Variants in BEGAIN observed in about 807,000 individuals in gnomAD.
The protein encoded by BEGAIN is brain-enriched guanylate kinase-associated protein.
Under a neutral mutation model 35.8 loss-of-function variants are expected in BEGAIN, and 19 were observed. That is an observed-to-expected ratio of 0.53 (90% CI 0.37 to 0.78). The LOEUF (loss-of-function observed/expected upper bound fraction) is 0.78. Ranked by LOEUF, BEGAIN falls within the 30% of genes least tolerant of loss-of-function variation. BEGAIN has a pLI of 0.00. For synonymous variants in BEGAIN, 462 were observed against 388.6 expected, an observed-to-expected ratio of 1.19 and a Z score of -2.22; for missense variants, 795 against 853.6, an observed-to-expected ratio of 0.93 and a Z score of 0.85.
rs2034892538 is a variant in BEGAIN, at chr14:100,568,288, G to A, written c.43-349C>T. ...TCGGCCTGTCCCCGTTAACTCTCCGGCGGCCGCGGCCCCGCTGCTCCCCCC... is the reference window on the plus strand; with the variant it reads ...TCGGCCTGTCCCCGTTAACTCTCCGACGGCCGCGGCCCCGCTGCTCCCCCC... On this transcript the variant is annotated intron_variant, in intron 1 of 6. Transcript: ENST00000554140. This position sits in a 1 kb window ranked among gnomAD's most constrained non-coding sequence, Gnocchi z 7.5. 2.8e-6 allele frequency: 2 copies of A among 723,058 alleles called. No individual in the cohort carries two copies. The highest frequency in any genetic ancestry group is 4.0e-6 in the Non-Finnish European group (2 of 501,024). The allele number at this position is 723,058 out of a possible 1,614,324, so 44.8% of individuals were successfully genotyped here.
In BEGAIN at chr14:100,543,281, C is replaced by T. The variant is rs567897204; in HGVS notation, c.408+577G>A. Among the ~76,000 whole-genome samples the T allele has an allele frequency of 6.6e-5, 10 of 152,084 alleles. No homozygotes were observed. In the East Asian group the frequency reaches 1.2e-3, roughly 18 times the overall value. On this transcript the variant is annotated intron_variant, in intron 5 of 6. Transcript: ENST00000554140. ...TTGCCCCACTCAGATGTGAACTCCA[C>T]GTGGCCAGAGGTGTTTTTTTTTTTG...
Position 100,558,144 on chromosome 14 carries a change from C to A in BEGAIN, c.71+9767G>T, listed in dbSNP as rs971705532. Among the ~76,000 whole-genome samples, 4 of 152,112 alleles carry A rather than the reference C, an allele frequency of 2.6e-5. No homozygotes were observed. Among genetic ancestry groups the A allele is most frequent in the Non-Finnish European group, 1.5e-5 (1 of 68,022 alleles). The stretch of plus-strand genomic sequence containing the variant: ...GTGGTTGCTCTTCCCATATTGAGAA[C>A]AACCCTCTCTTCACCCTCCAGGTAC... On this transcript the variant is annotated intron_variant, in intron 2 of 6. Transcript: ENST00000554140. This position sits in a 1 kb window ranked among gnomAD's most constrained non-coding sequence, Gnocchi z 4.6.
chr14:100,578,492 G>C (rs956001298), intron 1 of BEGAIN, among the ~76,000 whole-genome samples: 3 of 152,256 alleles, frequency 2.0e-5, no homozygotes, highest in Admixed American at 1.3e-4. Flanking sequence ...CCTTATTACA[G>C]AGCCTTCATT....
chr14:100,581,470 C>G (rs2035314259), intron 1 of BEGAIN, among the ~76,000 whole-genome samples: 1 of 152,100 alleles, frequency 6.6e-6, no homozygotes, highest in African/African-American at 2.4e-5. Context: ...CTTCCGGCTC[C>G]TGGCACCGCA....
In BEGAIN at chr14:100,581,534, G is replaced by A. The variant is rs145775174; in HGVS notation, c.42+5715C>T. On this transcript the variant is annotated intron_variant, in intron 1 of 6. Transcript: ENST00000554140. ...GTCCTGCTTCCCAAGCCCATCCTGC[G>A]TGCCAAGCTCCGTGCTGTGCATGCG... 3.4e-3 allele frequency among the ~76,000 whole-genome samples: 513 copies of A among 152,230 alleles called. 5 individuals carry two copies. The highest frequency in any genetic ancestry group is 0.012 in the African/African-American group (479 of 41,538).
rs1566978197 is a variant in BEGAIN at position 100,568,744 on chromosome 14, C to T, written c.43-805G>A. 6.6e-6 allele frequency among the ~76,000 whole-genome samples: 1 copy of T among 151,822 alleles called. No individual in the cohort carries two copies. The highest frequency in any genetic ancestry group is 1.9e-4 in the East Asian group (1 of 5,160). The stretch of plus-strand genomic sequence containing the variant: ...CGAGCGACGGGGACCGCGAGCGGCC[C>T]GGGCGGGATCGCACTTCCTGCGTGG... On this transcript the variant is annotated intron_variant, in intron 1 of 6. Transcript: ENST00000554140. This position sits in a 1 kb window ranked among gnomAD's most constrained non-coding sequence, Gnocchi z 7.5.
At chr14:100,579,589 G>A (rs1241592592) in intron 1 of BEGAIN, among the ~76,000 whole-genome samples, 2 of 152,238 alleles carry the variant, frequency 1.3e-5, no homozygotes, top group Non-Finnish European at 2.9e-5. Context: ...GCGAGGCTGA[G>A]GCCCTGTGTG....
At chr14:100,561,888 G>A (rs2034288200) in intron 2 of BEGAIN, among the ~76,000 whole-genome samples, 1 of 152,094 alleles carries the variant, frequency 6.6e-6, no homozygotes, top group East Asian at 1.9e-4. Flanking sequence ...GGCCCCACCT[G>A]TAACCCCAAC....
intron 2 of BEGAIN, among the ~76,000 whole-genome samples, chr14:100,555,621 G>A (rs1368571370): frequency 2.0e-5 from 3 of 152,252 alleles, no homozygotes; most frequent in East Asian, 1.9e-4. Context: ...CACACAGCCC[G>A]GCTGGGGTTC....
chr14:100,544,031 G>A (rs1300315683), intron 4 of BEGAIN, 66 bp from the exon 5 acceptor site: 5 of 1,176,388 alleles, frequency 4.3e-6, no homozygotes, highest in Non-Finnish European at 6.1e-6. Context: ...CCAGTCGCTC[G>A]ATTGCACCCC....
chr14:100,584,408 A>G (rs1380536882), intron 1 of BEGAIN, among the ~76,000 whole-genome samples: 1 of 152,202 alleles, frequency 6.6e-6, no homozygotes, highest in Non-Finnish European at 1.5e-5. Context: ...GAGCCCCAGC[A>G]GCTCCTGACT....
rs2032210485 is a variant in BEGAIN, at chr14:100,545,199, G to T, written c.234-133C>A. On this transcript the variant is annotated intron_variant, in intron 3 of 6. Transcript: ENST00000554140. ...AGCTCACCCCACCAGCTTCACCCTG[G>T]TGGAATGTGTGCCCCTCTGCACACA... 3 of 1,533,618 alleles carry T rather than the reference G, an allele frequency of 2.0e-6. No individual in the cohort carries two copies. In the Admixed American group the frequency reaches 5.8e-5, roughly 30 times the overall value.
At chr14:100,554,915 G>A (rs1217292749) in intron 2 of BEGAIN, among the ~76,000 whole-genome samples, 1 of 151,520 alleles carries the variant, frequency 6.6e-6, no homozygotes, top group Non-Finnish European at 1.5e-5. Context: ...GCTGGCCTTC[G>A]GGCTGTGCAC....
intron 3 of BEGAIN, 170 bp from the exon 4 acceptor site, chr14:100,545,236 C>A: frequency 6.9e-7 from 1 of 1,440,230 alleles, no homozygotes; most frequent in South Asian, 1.4e-5. Context: ...CAGAGAACAT[C>A]CCATTAAAGC....
At chr14:100,551,102 G>C (rs1351997473) in intron 2 of BEGAIN, among the ~76,000 whole-genome samples, 1 of 152,228 alleles carries the variant, frequency 6.6e-6, no homozygotes, top group African/African-American at 2.4e-5. Context: ...TCTCCTGTAG[G>C]CTGTGGGACC....
At chr14:100,566,281 C>T (rs2034675259) in intron 2 of BEGAIN, among the ~76,000 whole-genome samples, 1 of 152,244 alleles carries the variant, frequency 6.6e-6, no homozygotes, top group Admixed American at 6.5e-5. Context: ...GCAGCTCAGG[C>T]AGCAGATCCG....
intron 2 of BEGAIN, among the ~76,000 whole-genome samples, chr14:100,553,223 G>A (rs765123077): frequency 1.3e-5 from 2 of 152,110 alleles, no homozygotes; most frequent in Non-Finnish European, 2.9e-5. Context: ...TGGACCACAA[G>A]GTGCACCTGT....
chr14:100,548,713 G>A (rs563353132), intron 2 of BEGAIN: 4 of 152,240 alleles, frequency 2.6e-5, no homozygotes, highest in African/African-American at 7.2e-5. Context: ...GGGAGCCTGC[G>A]GTCCAGAGGG....
intron 2 of BEGAIN, among the ~76,000 whole-genome samples, chr14:100,561,562 G>A (rs529478503): frequency 1.1e-4 from 16 of 152,172 alleles, no homozygotes; most frequent in Non-Finnish European, 1.9e-4. Context: ...CAGCCTGGGC[G>A]ACATGGTGAC....
Sources: gnomAD v4.1 joint callset for allele counts (sites outside exome capture counted in the v4.1 genomes callset) on GRCh38, gnomAD v4.1.1 for gene constraint, Gnocchi (gnomAD v3.1) non-coding constraint, MANE v1.5 for transcripts, NCBI Gene and HGNC (gene_info 2026-07-23, HGNC 2026-07-21) for gene names.